The following LPGAT1 variants were observed in gnomAD, a reference collection of about 807,000 sequenced individuals.
LPGAT1 encodes the protein acyl-CoA:lysophosphatidylglycerol acyltransferase 1.
Under a neutral mutation model 47.5 loss-of-function variants are expected in LPGAT1, and 11 were observed. The ratio of observed to expected loss-of-function variants is 0.23; its 90% confidence interval spans 0.15 to 0.38. The LOEUF (loss-of-function observed/expected upper bound fraction) is 0.38, where lower values mean the gene tolerates loss of function less well. Ranked by LOEUF, LPGAT1 falls within the 10% of genes least tolerant of loss-of-function variation. The pLI is 1.00. For missense variants in LPGAT1, 293 were observed against 439.0 expected, an observed-to-expected ratio of 0.67 and a Z score of 2.97; for synonymous variants, 138 against 144.2, an observed-to-expected ratio of 0.96 and a Z score of 0.31.
intron 4 of LPGAT1, among the ~76,000 whole-genome samples, chr1:211,785,529 T>TA (rs1044451845): frequency 6.6e-6 from 1 of 152,030 alleles, no homozygotes; most frequent in Non-Finnish European, 1.5e-5. Context: ...CTTCACATAG[T>TA]AATCACAAGA....
chr1:211,778,081 G>A (rs551188497), intron 6 of LPGAT1, among the ~76,000 whole-genome samples: 1 of 152,256 alleles, frequency 6.6e-6, no homozygotes, highest in South Asian at 2.1e-4. Flanking sequence ...GGTGGCTCAC[G>A]CCTGTAATCC....
chr1:211,758,784 G>A (rs1249005103), intron 6 of LPGAT1, among the ~76,000 whole-genome samples: 3 of 152,058 alleles, frequency 2.0e-5, no homozygotes, highest in Non-Finnish European at 4.4e-5. Flanking sequence ...ATCTTTCAGG[G>A]ATAAATATTC....
At chr1:211,769,180 T>C (rs1400473467) in intron 6 of LPGAT1, among the ~76,000 whole-genome samples, 2 of 152,076 alleles carry the variant, frequency 1.3e-5, no homozygotes, top group Admixed American at 6.6e-5. Context: ...GGAGCTTATG[T>C]AGTAATCTAG....
At chr1:211,798,647 C>T (rs1558274260) in intron 2 of LPGAT1, among the ~76,000 whole-genome samples, 1 of 152,156 alleles carries the variant, frequency 6.6e-6, no homozygotes, top group Non-Finnish European at 1.5e-5. Context: ...CATGCCACTA[C>T]ACTCCAGTCT....
At chr1:211,786,294 T>C (rs1658875955) in intron 4 of LPGAT1, among the ~76,000 whole-genome samples, 1 of 152,254 alleles carries the variant, frequency 6.6e-6, no homozygotes, top group South Asian at 2.1e-4. Flanking sequence ...TCACAGAACT[T>C]AGAAGTTTCT....
rs548935522 is a variant in LPGAT1 at position 211,829,449 on chromosome 1, C to A, written c.-27-126G>T. ...GGGTCGAAGCTTTCCGGGTGTAGTA[C>A]CTCGGTGATCTCTCAGGGGAAATTC... is the stretch of plus-strand genomic sequence containing the variant. On this transcript the variant is annotated intron_variant, in intron 1 of 7. Coordinates refer to ENST00000366997, the MANE Select transcript of LPGAT1 (RefSeq NM_014873.3). 7.0e-5 allele frequency: 102 copies of A among 1,455,914 alleles called. 3 individuals carry two copies. The South Asian group carries it at 1.4e-3, about 20-fold the overall frequency. 90.2% of individuals were successfully genotyped at this position (1,455,914 alleles called of 1,614,324 possible). A position where few individuals can be genotyped will look rare whatever the true frequency, so the allele number is the denominator to read the frequency against.
chr1:211,817,809 T>A (rs902090046), intron 2 of LPGAT1, among the ~76,000 whole-genome samples: 1 of 152,112 alleles, frequency 6.6e-6, no homozygotes, highest in African/African-American at 2.4e-5. Flanking sequence ...CAGTTGAGAT[T>A]ACTAACAAAC....
At chr1:211,814,397 G>A (rs1660100714) in intron 2 of LPGAT1, among the ~76,000 whole-genome samples, 1 of 152,162 alleles carries the variant, frequency 6.6e-6, no homozygotes, top group African/African-American at 2.4e-5. Flanking sequence ...ATTTTGGGGA[G>A]AGGAAGAATG....
chr1:211,792,141 T>A (rs901466970), intron 3 of LPGAT1: 1 of 151,596 alleles, frequency 6.6e-6, no homozygotes, highest in Non-Finnish European at 1.5e-5. Flanking sequence ...CTGCCCAGGC[T>A]GGAGTGCAGT....
intron 2 of LPGAT1, among the ~76,000 whole-genome samples, chr1:211,793,523 C>A (rs1659226572): frequency 6.6e-6 from 1 of 151,960 alleles, no homozygotes; most frequent in Non-Finnish European, 1.5e-5. Flanking sequence ...ACCTCTACCT[C>A]CCGGGTTCAA....
intron 2 of LPGAT1, among the ~76,000 whole-genome samples, chr1:211,801,948 C>T (rs1199147181): frequency 6.6e-6 from 1 of 151,382 alleles, no homozygotes; most frequent in East Asian, 1.9e-4. Context: ...ATTAGCCAGG[C>T]ATGGTGGCAC....
At chr1:211,819,216 G>A (rs912996257) in intron 2 of LPGAT1, among the ~76,000 whole-genome samples, 8 of 152,098 alleles carry the variant, frequency 5.3e-5, no homozygotes, top group African/African-American at 1.4e-4. Context: ...ATCCCAGGCC[G>A]GGTGCGGTGG....
intron 3 of LPGAT1, among the ~76,000 whole-genome samples, chr1:211,789,488 G>T (rs1021531216): frequency 1.3e-5 from 2 of 152,114 alleles, no homozygotes; most frequent in African/African-American, 4.8e-5. Flanking sequence ...GTCAATAAAT[G>T]TTTATAAAAC....
chr1:211,809,658 G>T (rs916453986), intron 2 of LPGAT1, among the ~76,000 whole-genome samples: 1 of 152,108 alleles, frequency 6.6e-6, no homozygotes, highest in South Asian at 2.1e-4. Flanking sequence ...AGATCCAATG[G>T]TTTTATAAAG....
intron 2 of LPGAT1, among the ~76,000 whole-genome samples, chr1:211,817,973 T>C (rs771450032): frequency 1.1e-4 from 16 of 152,124 alleles, no homozygotes; most frequent in Admixed American, 3.3e-4. Context: ...TAGCTAGGAC[T>C]ACAGGTATGC....
At chr1:211,802,033 A>G (rs1659593388) in intron 2 of LPGAT1, among the ~76,000 whole-genome samples, 1 of 150,780 alleles carries the variant, frequency 6.6e-6, no homozygotes, top group South Asian at 2.1e-4. Context: ...GGTTGCAGTG[A>G]GCCAAGATTG....
intron 2 of LPGAT1, among the ~76,000 whole-genome samples, chr1:211,822,777 CA>C (rs11345690): frequency 0.96 from 136,249 of 141,508 alleles, 65,567 homozygotes; most frequent in East Asian, 1. Flanking sequence ...GACTTCATCT[CA>C]AAAAAAAAAA....
At chr1:211,800,393 A>C (rs146134524) in intron 2 of LPGAT1, among the ~76,000 whole-genome samples, 2 of 152,084 alleles carry the variant, frequency 1.3e-5, no homozygotes, top group Non-Finnish European at 2.9e-5. Context: ...CTTCCTAACT[A>C]GTCTTCTTGC....
In LPGAT1 at chr1:211,783,315, C is replaced by T; in HGVS notation, c.641G>A (p.Arg214Lys). Residue 214 changes from arginine (R) to lysine (K), a missense_variant, in exon 5 of 8, where the codon AGG (arginine) becomes AAG (lysine). Transcript: ENST00000366997. ...LPFLTNVTLPRSGATKIILNA... is the reference protein window; with the variant it reads ...LPFLTNVTLPKSGATKIILNA... ...CAAAATAATTTTTGTTGCCCCAGAC[C>T]TTGGCAGAGTAACATTTGTAAGAAA... is the stretch of plus-strand genomic sequence containing the variant. 1 of 1,614,130 alleles carries T rather than the reference C, an allele frequency of 6.2e-7. No homozygotes were observed. Among genetic ancestry groups the T allele is most frequent in the Non-Finnish European group, 8.5e-7 (1 of 1,180,026 alleles).
Sources: allele counts gnomAD v4.1 joint callset (sites outside exome capture counted in the v4.1 genomes callset), GRCh38; gene constraint gnomAD v4.1.1; transcripts MANE v1.5; gene names NCBI Gene and HGNC (gene_info 2026-07-23, HGNC 2026-07-21).